Variants in SFMBT2 observed in about 807,000 individuals in gnomAD.
SFMBT2 encodes scm-like with four MBT domains protein 2.
In SFMBT2, 38 loss-of-function variants were observed where a neutral mutation model predicts 110.1. The observed-to-expected ratio is 0.35, with a 90% CI of 0.27 to 0.45. The LOEUF (loss-of-function observed/expected upper bound fraction) is 0.45. Among genes scored for constraint, SFMBT2 ranks in the 20% least tolerant of loss-of-function variants. The probability of loss-of-function intolerance (pLI) is 1.00; values close to 1 mark genes in which losing one functional copy is unlikely to be tolerated. For missense variants in SFMBT2, 1,011 were observed against 1,094.9 expected (o/e 0.92, Z 1.08); for synonymous variants, 425 against 425.4 (o/e 1.00, Z 0.01).
Position 7,163,712 on chromosome 10 carries a change from T to A in SFMBT2, c.*58A>T. 1 of 1,504,974 alleles carries A rather than the reference T, an allele frequency of 6.6e-7. No homozygotes were observed. The highest frequency in any genetic ancestry group is 1.2e-5 in the South Asian group (1 of 85,304). 93.2% of individuals were successfully genotyped at this position (1,504,974 alleles called of 1,614,324 possible). On this transcript the variant is annotated 3_prime_UTR_variant, in exon 21 of 21. Coordinates refer to ENST00000397167, the MANE Select transcript of SFMBT2 (RefSeq NM_001387889.1). This position sits in a 1 kb window ranked among gnomAD's most constrained non-coding sequence, Gnocchi z 4.8. ...TCCCGGAAAATCAAAGTTTCAGTCCTGGAAACCTTTACCAACACCGCATCC... is the reference window on the plus strand; with the variant it reads ...TCCCGGAAAATCAAAGTTTCAGTCCAGGAAACCTTTACCAACACCGCATCC...
At chr10:7,166,433 G>GC (rs1276562171) in intron 20 of SFMBT2, among the ~76,000 whole-genome samples, 1 of 152,216 alleles carries the variant, frequency 6.6e-6, no homozygotes, top group Non-Finnish European at 1.5e-5. Flanking sequence ...AAATTTCAGT[G>GC]AAGGTGGCCA....
chr10:7,228,701 TTCTTTCTTTCTTTC>T (rs896149247), intron 9 of SFMBT2, among the ~76,000 whole-genome samples: 3 of 131,612 alleles, frequency 2.3e-5, no homozygotes, highest in African/African-American at 8.9e-5. Context: ...CTTTCTTTCT[TTCTTTCTTTCTTTC>T]TTTCTTTCTT....
chr10:7,340,053 T>C (rs1369325729), intron 4 of SFMBT2, among the ~76,000 whole-genome samples: 2 of 152,142 alleles, frequency 1.3e-5, no homozygotes, highest in Non-Finnish European at 2.9e-5. Flanking sequence ...GCCATGCAGG[T>C]TCCTGAGACA....
At chr10:7,186,001 AT>A (rs1344982823) in intron 16 of SFMBT2, among the ~76,000 whole-genome samples, 1 of 152,092 alleles carries the variant, frequency 6.6e-6, no homozygotes, top group Non-Finnish European at 1.5e-5. Context: ...AAGCTAGCAA[AT>A]TTTTGCTTTT....
At chr10:7,185,901 A>G (rs1838387562) in intron 16 of SFMBT2, among the ~76,000 whole-genome samples, 1 of 152,064 alleles carries the variant, frequency 6.6e-6, no homozygotes, top group Admixed American at 6.5e-5. Context: ...AGGTAAATTG[A>G]GCATATTTAA....
intron 7 of SFMBT2, among the ~76,000 whole-genome samples, chr10:7,275,949 A>T (rs1841760388): frequency 6.6e-6 from 1 of 152,228 alleles, no homozygotes. Context: ...AAGCAACTGG[A>T]TGTCTGCCCG....
At chr10:7,269,427 T>A (rs951279583) in intron 7 of SFMBT2, among the ~76,000 whole-genome samples, 3 of 152,082 alleles carry the variant, frequency 2.0e-5, no homozygotes, top group Non-Finnish European at 4.4e-5. Context: ...ATAATGGGAC[T>A]CATCCCATCC....
At chr10:7,195,923 T>C (rs974030571) in intron 15 of SFMBT2, among the ~76,000 whole-genome samples, 1 of 152,184 alleles carries the variant, frequency 6.6e-6, no homozygotes, top group Non-Finnish European at 1.5e-5. Flanking sequence ...AATAGCCTTA[T>C]CGATTTCTGA....
At chr10:7,239,518 T>C (rs1294359501) in intron 9 of SFMBT2, among the ~76,000 whole-genome samples, 1 of 152,154 alleles carries the variant, frequency 6.6e-6, no homozygotes, top group Non-Finnish European at 1.5e-5. Context: ...AAAACACCAC[T>C]ACCACAATCA....
rs1037523722 is a variant in SFMBT2 at position 7,170,799 on chromosome 10, C to T, written c.2544+129G>A. On this transcript the variant is annotated intron_variant, in intron 20 of 20. Transcript: ENST00000397167. This position sits in a 1 kb window ranked among gnomAD's most constrained non-coding sequence, Gnocchi z 4.6. Reference sequence around the variant, plus strand: ...AGGGGCCTTGGAGGGAGAAGGGTCTCGCACACCTGCCGAGCAGCGCCGAAG... The same window carrying T: ...AGGGGCCTTGGAGGGAGAAGGGTCTTGCACACCTGCCGAGCAGCGCCGAAG... The T allele has an allele frequency of 2.0e-5, 22 of 1,103,442 alleles. No individual in the cohort carries two copies. Among genetic ancestry groups the T allele is most frequent in the Middle Eastern group, 2.1e-4 (1 of 4,762 alleles). The allele number at this position is 1,103,442 out of a possible 1,614,324, so 68.4% of individuals were successfully genotyped here.
intron 4 of SFMBT2, among the ~76,000 whole-genome samples, chr10:7,331,844 A>G (rs758728192): frequency 2.4e-4 from 37 of 151,958 alleles, no homozygotes; most frequent in Non-Finnish European, 4.9e-4. Context: ...TCTCTACTGA[A>G]AAAAACAATA....
At chr10:7,384,833 C>G (rs1845544179) in intron 1 of SFMBT2, among the ~76,000 whole-genome samples, 1 of 152,196 alleles carries the variant, frequency 6.6e-6, no homozygotes, top group African/African-American at 2.4e-5. Context: ...GCACAAAAAT[C>G]TGGACGTAGG....
intron 7 of SFMBT2, among the ~76,000 whole-genome samples, chr10:7,252,160 A>G (rs1249918456): frequency 6.6e-6 from 1 of 152,062 alleles, no homozygotes; most frequent in Non-Finnish European, 1.5e-5. Flanking sequence ...ATCCACACCC[A>G]TCTTTTATCT....
chr10:7,329,243 A>G (rs1843490208), intron 4 of SFMBT2, among the ~76,000 whole-genome samples: 1 of 152,236 alleles, frequency 6.6e-6, no homozygotes, highest in Non-Finnish European at 1.5e-5. Context: ...GATGGTGATG[A>G]TGATGACAAT....
chr10:7,186,991 T>A (rs913979325), intron 16 of SFMBT2, among the ~76,000 whole-genome samples: 1 of 152,246 alleles, frequency 6.6e-6, no homozygotes, highest in Non-Finnish European at 1.5e-5. Context: ...ATATGCTGCC[T>A]TTACAATTCA....
Position 7,313,671 on chromosome 10 carries a change from T to TG in SFMBT2, c.437-27718dup, listed in dbSNP as rs570715234. On this transcript the variant is annotated intron_variant, in intron 4 of 20. Transcript: ENST00000397167. ...TTTGCTGTTTTGTTTTGTTTAGAGA[T>TG]GGGGGTCTCACTTTGTTGCCCGGGC... 1.4e-3 allele frequency among the ~76,000 whole-genome samples: 219 copies of TG among 152,266 alleles called. 1 individual carries two copies. Among genetic ancestry groups the TG allele is most frequent in the Middle Eastern group, 3.4e-3 (1 of 294 alleles).
At chr10:7,206,565 T>C (rs1476446814) in intron 11 of SFMBT2, 5 of 985,298 alleles carry the variant, frequency 5.1e-6, no homozygotes, top group Non-Finnish European at 6.0e-6. Context: ...TTTGGCTATG[T>C]CATAGAAAAG....
rs76349361 is a variant in SFMBT2, at chr10:7,203,201, A to G, written c.1445-679T>C. 1,882 of 821,678 alleles carry G rather than the reference A, an allele frequency of 2.3e-3. 4 individuals are homozygous for G. The highest frequency in any genetic ancestry group is 2.6e-3 in the Non-Finnish European group (1,741 of 680,650). The allele number at this position is 821,678 out of a possible 1,614,324, so 50.9% of individuals were successfully genotyped here. A position where few individuals can be genotyped will look rare whatever the true frequency, so the allele number is the denominator to read the frequency against. On this transcript the variant is annotated intron_variant, in intron 12 of 20. Transcript: ENST00000397167. ...CCAACAAAACTTCTAAAGCTGCTAGAGTCTGGCAGGTTTGGAGTTGGAGTT... is the reference window on the plus strand; with the variant it reads ...CCAACAAAACTTCTAAAGCTGCTAGGGTCTGGCAGGTTTGGAGTTGGAGTT...
chr10:7,407,907 G>A (rs1033089865), intron 1 of SFMBT2, among the ~76,000 whole-genome samples: 3 of 152,182 alleles, frequency 2.0e-5, no homozygotes, highest in Non-Finnish European at 4.4e-5. Context: ...CCAGCTACTG[G>A]TGCGCCCCGA....
Sources: allele counts gnomAD v4.1 joint callset (sites outside exome capture counted in the v4.1 genomes callset), GRCh38; gene constraint gnomAD v4.1.1; non-coding constraint Gnocchi (gnomAD v3.1); transcripts MANE v1.5; gene names NCBI Gene and HGNC (gene_info 2026-07-23, HGNC 2026-07-21).